The following PDLIM5 variants were observed in gnomAD, a reference collection of about 807,000 sequenced individuals.
The protein encoded by PDLIM5 is PDZ and LIM domain protein 5.
A neutral mutation model predicts 64.2 loss-of-function variants in PDLIM5; 34 were observed. The observed-to-expected ratio is 0.53, with a 90% confidence interval of 0.40 to 0.71. The LOEUF (loss-of-function observed/expected upper bound fraction) is 0.71. PDLIM5 is among the 30% of genes least tolerant of loss of function. The pLI, the probability that PDLIM5 is intolerant of heterozygous loss-of-function variation, is 0.00. For synonymous variants in PDLIM5, 253 were observed against 269.1 expected, an observed-to-expected ratio of 0.94 and a Z score of 0.59; for missense variants, 683 against 733.6, an observed-to-expected ratio of 0.93 and a Z score of 0.80.
chr4:94,623,041 T>A (rs1448458017), intron 8 of PDLIM5, among the ~76,000 whole-genome samples: 1 of 152,134 alleles, frequency 6.6e-6, no homozygotes. Flanking sequence ...TCAAATGATA[T>A]AACTAGGCTG....
chr4:94,610,103 C>T (rs1005995551), intron 7 of PDLIM5: 11 of 969,168 alleles, frequency 1.1e-5, no homozygotes, highest in Middle Eastern at 2.3e-4. Flanking sequence ...ATTTATTATG[C>T]TACCCTTTCT....
intron 2 of PDLIM5, among the ~76,000 whole-genome samples, chr4:94,484,112 A>G (rs192271656): frequency 6.6e-6 from 1 of 152,260 alleles, no homozygotes; most frequent in East Asian, 1.9e-4. Flanking sequence ...TGTGTTACCA[A>G]TCTGAGATCA....
chr4:94,524,212 TA>T (rs1185211731), intron 3 of PDLIM5, among the ~76,000 whole-genome samples: 1 of 151,422 alleles, frequency 6.6e-6, no homozygotes. Flanking sequence ...CTACAAAACA[TA>T]AAAAAATTAG....
At chr4:94,463,415 G>A (rs950304406) in intron 2 of PDLIM5, among the ~76,000 whole-genome samples, 1 of 152,054 alleles carries the variant, frequency 6.6e-6, no homozygotes, top group African/African-American at 2.4e-5. Flanking sequence ...ATTAAATACT[G>A]TATTCTTAGA....
intron 2 of PDLIM5, among the ~76,000 whole-genome samples, chr4:94,518,160 G>A (rs1729528377): frequency 6.6e-6 from 1 of 152,126 alleles, no homozygotes; most frequent in Admixed American, 6.6e-5. Flanking sequence ...TATATTGAAT[G>A]ATCATATTCA....
At chr4:94,662,349 CT>C in intron 11 of PDLIM5, 72 bp from the exon 12 acceptor site, 1 of 695,498 alleles carries the variant, frequency 1.4e-6, no homozygotes, top group Non-Finnish European at 2.6e-6. Flanking sequence ...GATTTTGTTG[CT>C]GCCTTCTAGG....
chr4:94,579,508 TTTCTC>T, intron 5 of PDLIM5: 3 of 1,345,458 alleles, frequency 2.2e-6, no homozygotes, highest in Non-Finnish European at 3.1e-6. Context: ...TTAAAATACT[TTTCTC>T]TTTGCAGAAA....
At chr4:94,652,716 AC>A (rs1374499835) in intron 9 of PDLIM5, among the ~76,000 whole-genome samples, 1 of 152,138 alleles carries the variant, frequency 6.6e-6, no homozygotes, top group African/African-American at 2.4e-5. Flanking sequence ...AAATTATGGT[AC>A]CCTAAAGTTT....
chr4:94,530,337 G>A (rs1320542429), intron 3 of PDLIM5, among the ~76,000 whole-genome samples: 3 of 151,964 alleles, frequency 2.0e-5, no homozygotes, highest in African/African-American at 7.3e-5. Flanking sequence ...TTTCTTCATT[G>A]GAGTTATCTT....
At chr4:94,628,485 G>A (rs1739877566) in intron 8 of PDLIM5, among the ~76,000 whole-genome samples, 1 of 151,776 alleles carries the variant, frequency 6.6e-6, no homozygotes, top group Non-Finnish European at 1.5e-5. Flanking sequence ...CATTAGAGAC[G>A]TTGTAGATAT....
chr4:94,521,975 C>G (rs1465282446), intron 2 of PDLIM5, among the ~76,000 whole-genome samples: 2 of 152,002 alleles, frequency 1.3e-5, no homozygotes, highest in African/African-American at 2.4e-5. Flanking sequence ...ATAGATGTCC[C>G]TTTGTCTCAC....
intron 3 of PDLIM5, among the ~76,000 whole-genome samples, chr4:94,546,834 C>A (rs1209446409): frequency 6.6e-6 from 1 of 151,102 alleles, no homozygotes; most frequent in Non-Finnish European, 1.5e-5. Context: ...ACATTAGGCC[C>A]CCCCCACCTT....
At chr4:94,614,121 C>A (rs574798835) in intron 7 of PDLIM5, among the ~76,000 whole-genome samples, 1 of 152,218 alleles carries the variant, frequency 6.6e-6, no homozygotes, top group Admixed American at 6.5e-5. Flanking sequence ...CACCACCACA[C>A]CCAGCTAATT....
intron 2 of PDLIM5, among the ~76,000 whole-genome samples, chr4:94,518,559 A>G (rs1282146769): frequency 1.3e-5 from 2 of 152,194 alleles, no homozygotes; most frequent in African/African-American, 4.8e-5. Flanking sequence ...TATAAATTTT[A>G]TTTGAGAACA....
chr4:94,663,342 A>G (rs1451763063), intron 12 of PDLIM5, among the ~76,000 whole-genome samples: 1 of 152,196 alleles, frequency 6.6e-6, no homozygotes, highest in South Asian at 2.1e-4. Context: ...AACTTTTAGC[A>G]GATTTGCCTT....
chr4:94,456,301 C>T (rs749684664), intron 2 of PDLIM5: 15 of 521,454 alleles, frequency 2.9e-5, no homozygotes, highest in South Asian at 4.4e-5. Context: ...CGAGTTCAAG[C>T]GATTCTCCTG....
At chr4:94,663,898 C>T (rs1359219517) in intron 12 of PDLIM5, 80 bp from the exon 13 acceptor site, 2 of 1,430,122 alleles carry the variant, frequency 1.4e-6, no homozygotes, top group Non-Finnish European at 1.9e-6. Context: ...AAAAATCACT[C>T]TCTCCTTCTC....
At chr4:94,491,215 G>A (rs1401692109) in intron 2 of PDLIM5, among the ~76,000 whole-genome samples, 1 of 152,124 alleles carries the variant, frequency 6.6e-6, no homozygotes, top group East Asian at 1.9e-4. Flanking sequence ...GATTTAACTG[G>A]CACCTAGCAT....
chr4:94,589,747 TTTTCTTTTCTTTCCTTTTCCTTC>T (rs1736532547), intron 7 of PDLIM5, among the ~76,000 whole-genome samples: 1 of 151,456 alleles, frequency 6.6e-6, no homozygotes, highest in Non-Finnish European at 1.5e-5. Flanking sequence ...TTTTCTTTTC[TTTTCTTTTCTTTCCTTTTCCTTC>T]TTTCTTTCCT....
Sources: allele counts gnomAD v4.1 joint callset (sites outside exome capture counted in the v4.1 genomes callset), GRCh38; gene constraint gnomAD v4.1.1; transcripts MANE v1.5; gene names NCBI Gene and HGNC (gene_info 2026-07-23, HGNC 2026-07-21).